Variants in SGCG observed in about 807,000 individuals in gnomAD.
The protein encoded by SGCG is sarcoglycan gamma.
A neutral mutation model predicts 29.3 loss-of-function variants in SGCG; 26 were observed. The ratio of observed to expected loss-of-function variants is 0.89; its 90% confidence interval spans 0.65 to 1.23. The LOEUF is 1.23. Ranked by LOEUF, SGCG falls within the 50% of genes most tolerant of loss-of-function variation. SGCG has a pLI of 0.00. For synonymous variants in SGCG, 145 were observed against 129.7 expected, an observed-to-expected ratio of 1.12 and a Z score of -0.80; for missense variants, 353 against 356.0, an observed-to-expected ratio of 0.99 and a Z score of 0.07.
At chr13:23,234,770 C>G in intron 3 of SGCG, 58 bp downstream of exon 3, 1 of 1,167,396 alleles carries the variant, frequency 8.6e-7, no homozygotes, top group Non-Finnish European at 1.3e-6. Flanking sequence ...CATGTTTAAG[C>G]ACAAAAATTC....
At chr13:23,162,620 C>T in the SGCG span, among the ~76,000 whole-genome samples, 1 of 151,918 alleles carries the variant, frequency 6.6e-6, no homozygotes, top group Non-Finnish European at 1.5e-5. Context: ...AGCACGACTC[C>T]GTCTCTTAAA....
At chr13:23,225,064 TAGATCCC>T (rs771032018) in intron 2 of SGCG, among the ~76,000 whole-genome samples, 9 of 152,090 alleles carry the variant, frequency 5.9e-5, no homozygotes, top group Non-Finnish European at 8.8e-5. Context: ...GCACTTCAAC[TAGATCCC>T]AGCTGGTGTA....
At position 23,203,702 on chromosome 13, in the gene SGCG, G is replaced by T; in HGVS notation, c.8G>T (p.Arg3Leu). The change falls in exon 2 of 8, where the codon CGT becomes CTT. Residue 3 changes from arginine (R) to leucine (L), a missense_variant. Arg to Leu is a moderately radical substitution (Grantham distance 102, BLOSUM62 -2). Transcript: ENST00000218867. The stretch of plus-strand genomic sequence containing the variant: ...GAACACACTCCGTGGCAGATGGTGC[G>T]TGAGCAGTACACTACAGCCACAGAA... MV[R>L]EQYTTATEGI... The T allele has an allele frequency of 6.2e-7, 1 of 1,611,894 alleles. No individual in the cohort carries two copies. The highest frequency in any genetic ancestry group is 1.3e-5 in the African/African-American group (1 of 74,980).
At chr13:23,295,047 C>T (rs1881849311) in intron 5 of SGCG, among the ~76,000 whole-genome samples, 2 of 152,120 alleles carry the variant, frequency 1.3e-5, no homozygotes, top group South Asian at 4.1e-4. Flanking sequence ...AATTTTTATA[C>T]ATAAAATCTA....
rs1287362656 is a variant in SGCG, at chr13:23,204,608, TCTTTCTTTTCTTTCTTTC to T, written c.195+728_195+745del. On this transcript the variant is annotated intron_variant, in intron 2 of 7. Transcript: ENST00000218867. ...TTTCTTTTCTTTCTTTTCTTTCTTT[TCTTTCTTTTCTTTCTTTC>T]CTTTCTTTCCTTTCTTTCTCTTCTT... Among the ~76,000 whole-genome samples the T allele has an allele frequency of 6.7e-3, 512 of 76,696 alleles. 1 individual carries two copies. Among genetic ancestry groups the T allele is most frequent in the African/African-American group, 0.026 (447 of 17,210 alleles). The allele number at this position is 76,696 out of a possible 152,430, so 50.3% of individuals were successfully genotyped here.
intron 4 of SGCG, among the ~76,000 whole-genome samples, chr13:23,260,706 G>T (rs1324639488): frequency 6.6e-6 from 1 of 151,924 alleles, no homozygotes; most frequent in African/African-American, 2.4e-5. Context: ...TCCATGTTTA[G>T]TGCTTCCTTC....
intron 4 of SGCG, among the ~76,000 whole-genome samples, chr13:23,259,050 T>G (rs186858679): frequency 9.8e-5 from 15 of 152,322 alleles, no homozygotes; most frequent in African/African-American, 3.4e-4. Context: ...AGGATGATGT[T>G]GGCCTCATAA....
upstream of SGCG, among the ~76,000 whole-genome samples, chr13:23,178,606 C>T (rs1876631710): frequency 6.6e-6 from 1 of 152,094 alleles, no homozygotes; most frequent in Admixed American, 6.5e-5. Flanking sequence ...TGGACATGGC[C>T]TAATATGTTT....
intron 1 of SGCG, among the ~76,000 whole-genome samples, chr13:23,185,874 T>C (rs769022372): frequency 6.6e-6 from 1 of 152,234 alleles, no homozygotes; most frequent in Non-Finnish European, 1.5e-5. Flanking sequence ...GTCTTGGTTC[T>C]GAAGGGTGAT....
intron 3 of SGCG, among the ~76,000 whole-genome samples, chr13:23,243,242 G>C (rs1258121047): frequency 6.6e-6 from 1 of 152,166 alleles, no homozygotes; most frequent in African/African-American, 2.4e-5. Context: ...TGCAGCTTTG[G>C]TTCAGCACTA....
At chr13:23,179,898 C>T (rs999454570), upstream of SGCG, among the ~76,000 whole-genome samples, 3 of 151,988 alleles carry the variant, frequency 2.0e-5, no homozygotes, top group East Asian at 1.9e-4. Context: ...ATTTCAGGTT[C>T]GAGGGGTACA....
At chr13:23,219,162 C>T (rs1486161402) in intron 2 of SGCG, among the ~76,000 whole-genome samples, 3 of 151,686 alleles carry the variant, frequency 2.0e-5, no homozygotes, top group African/African-American at 7.3e-5. Context: ...ATTCTCTTGC[C>T]TCAGCCTCCC....
chr13:23,197,785 C>A (rs1954646527), intron 1 of SGCG, among the ~76,000 whole-genome samples: 1 of 152,036 alleles, frequency 6.6e-6, no homozygotes, highest in Non-Finnish European at 1.5e-5. Flanking sequence ...ATAGGAAAGA[C>A]AATGGTTAAA....
chr13:23,247,530 T>C (rs1287647344), intron 3 of SGCG, among the ~76,000 whole-genome samples: 1 of 152,192 alleles, frequency 6.6e-6, no homozygotes, highest in Non-Finnish European at 1.5e-5. Context: ...CTCTGCAGCC[T>C]GCTTTTGATC....
chr13:23,224,680 A>ACACACACACACACACACACC (rs1433903594), intron 2 of SGCG, among the ~76,000 whole-genome samples: 2 of 150,552 alleles, frequency 1.3e-5, no homozygotes, highest in East Asian at 2.0e-4. Flanking sequence ...ACACACACAC[A>ACACACACACACACACACACC]CCCCACACCA....
chr13:23,290,119 G>A (rs1881643513), intron 5 of SGCG, among the ~76,000 whole-genome samples: 1 of 152,186 alleles, frequency 6.6e-6, no homozygotes, highest in Non-Finnish European at 1.5e-5. Flanking sequence ...TTGGTTGATG[G>A]CATTACTCTC....
chr13:23,221,752 AGGATGCT>A (rs1878665365), intron 2 of SGCG, among the ~76,000 whole-genome samples: 1 of 152,178 alleles, frequency 6.6e-6, no homozygotes, highest in African/African-American at 2.4e-5. Flanking sequence ...AGATGATTTG[AGGATGCT>A]GTATACAGAA....
chr13:23,182,675 A>G (rs1360669293), intron 1 of SGCG, among the ~76,000 whole-genome samples: 1 of 152,194 alleles, frequency 6.6e-6, no homozygotes, highest in African/African-American at 2.4e-5. Context: ...AGGAGTATTT[A>G]GTAATTTGTG....
chr13:23,237,051 A>G (rs903947351), intron 3 of SGCG, among the ~76,000 whole-genome samples: 3 of 152,178 alleles, frequency 2.0e-5, no homozygotes, highest in Non-Finnish European at 4.4e-5. Flanking sequence ...TTACTTTATG[A>G]ATTTGCAAAA....
Sources: gnomAD v4.1 joint callset for allele counts (sites outside exome capture counted in the v4.1 genomes callset) on GRCh38, gnomAD v4.1.1 for gene constraint, MANE v1.5 for transcripts, NCBI Gene and HGNC (gene_info 2026-07-23, HGNC 2026-07-21) for gene names.